Variants in SETD2 observed in about 807,000 individuals in gnomAD.
SETD2 encodes the protein SET domain containing 2, histone lysine methyltransferase, also known as histone-lysine N-methyltransferase SETD2.
In SETD2, 31 loss-of-function variants were observed where a neutral mutation model predicts 242.1. The ratio of observed to expected loss-of-function variants is 0.13; its 90% CI spans 0.10 to 0.17. The LOEUF is 0.17. Among genes scored for constraint, SETD2 ranks in the 10% least tolerant of loss-of-function variants. SETD2 has a pLI of 1.00. For missense variants in SETD2, 2,481 were observed against 3,046.3 expected, an observed-to-expected ratio of 0.81 and a Z score of 4.37; for synonymous variants, 1,006 against 1,066.5, an observed-to-expected ratio of 0.94 and a Z score of 1.11.
At chr3:47,065,239 T>A (rs1338308715) in intron 13 of SETD2, among the ~76,000 whole-genome samples, 1 of 152,050 alleles carries the variant, frequency 6.6e-6, no homozygotes, top group Non-Finnish European at 1.5e-5. Flanking sequence ...TGTGAGGCTA[T>A]GAAGAGACTA....
At chr3:47,029,019 A>C (rs1262740616) in intron 18 of SETD2, 1 of 220,882 alleles carries the variant, frequency 4.5e-6, no homozygotes, top group African/African-American at 2.4e-5. Flanking sequence ...CAATGTCACC[A>C]ACAAATGGTC....
At chr3:47,106,436 C>T (rs1467641466) in intron 5 of SETD2, among the ~76,000 whole-genome samples, 1 of 125,878 alleles carries the variant, frequency 7.9e-6, no homozygotes, top group African/African-American at 3.1e-5. Context: ...TTATTAACAG[C>T]TGGAAAACAG....
chr3:47,141,358 A>T (rs2043724388), intron 1 of SETD2, among the ~76,000 whole-genome samples: 1 of 152,254 alleles, frequency 6.6e-6, no homozygotes, highest in East Asian at 1.9e-4. Context: ...CTAAGTACTT[A>T]TGTCAGCCTT....
At position 47,101,500 on chromosome 3, in the gene SETD2, G is replaced by C. The variant is rs1376592606; in HGVS notation, c.4973C>G (p.Ser1658Ter). Reference protein sequence around the residue: ...VGFFTTKLVPSGSELTFDYQF... With the variant: ...VGFFTTKLVP ...ATAGTCAAACGTTAACTCTGAGCCTGAAGGAACCAGTTTGGTGGTAAAAAA... is the reference window on the plus strand; with the variant it reads ...ATAGTCAAACGTTAACTCTGAGCCTCAAGGAACCAGTTTGGTGGTAAAAAA... The change falls in exon 8 of 21, where the codon TCA becomes TGA. Residue 1658 changes from serine (S) to a stop codon, truncating the protein, a stop_gained. Coordinates refer to ENST00000409792, the MANE Select transcript of SETD2 (RefSeq NM_014159.7). LOFTEE classifies it high-confidence loss of function. 1 of 1,613,748 alleles carries C rather than the reference G, an allele frequency of 6.2e-7. No individual in the cohort carries two copies.
Position 47,037,774 on chromosome 3 carries a change from C to G in SETD2, c.7242G>C (p.Gln2414His). Residue 2414 changes from glutamine (Q) to histidine (H), a missense_variant, in exon 18 of 21, where the codon CAG (glutamine) becomes CAC (histidine). By Grantham distance (24) the Gln-to-His change is conservative. Coordinates refer to ENST00000409792, the MANE Select transcript of SETD2 (RefSeq NM_014159.7). ...KIYYYHVITR[Q>H]TQWDPPTWES... ...CCCAAGTAGGAGGATCCCACTGAGT[C>G]TGCCTAGAAAGAGACAAAAACAGCC... 1.2e-6 allele frequency: 2 copies of G among 1,612,896 alleles called. No individual in the cohort carries two copies. The highest frequency in any genetic ancestry group is 8.5e-7 in the Non-Finnish European group (1 of 1,179,068).
At chr3:47,046,826 CTTTGA>C (rs2039553341) in intron 15 of SETD2, 4 of 347,984 alleles carry the variant, frequency 1.1e-5, no homozygotes, top group Non-Finnish European at 2.0e-5. Context: ...CATTTACTTA[CTTTGA>C]TTTTACTTTA....
At chr3:47,115,576 T>C (rs546189535) in intron 4 of SETD2, among the ~76,000 whole-genome samples, 1 of 152,268 alleles carries the variant, frequency 6.6e-6, no homozygotes, top group Non-Finnish European at 1.5e-5. Flanking sequence ...AAAAAAAACC[T>C]TCACTAACAT....
At chr3:47,057,723 A>C (rs1213163537) in intron 14 of SETD2, among the ~76,000 whole-genome samples, 1 of 152,188 alleles carries the variant, frequency 6.6e-6, no homozygotes, top group African/African-American at 2.4e-5. Context: ...CTCTACCCTT[A>C]GTTTCTAGAA....
chr3:47,017,532 C>G lies in SETD2; in HGVS notation c.7533+106G>C, dbSNP rs1482322186. 1.1e-6 allele frequency: 1 copy of G among 897,116 alleles called. No individual in the cohort carries two copies. Among genetic ancestry groups the G allele is most frequent in the Admixed American group, 2.3e-5 (1 of 43,552 alleles). 55.6% of individuals were successfully genotyped at this position (897,116 alleles called of 1,614,324 possible). ...GTTCCTGGGTCCCCAGCTCTGACAT[C>G]TGACAAGAAAAAAAAAAATACTTTC... On this transcript the variant is annotated intron_variant, in intron 20 of 20. Transcript: ENST00000409792. This position sits in a 1 kb window ranked among gnomAD's most constrained non-coding sequence, Gnocchi z 4.8.
intron 5 of SETD2, among the ~76,000 whole-genome samples, chr3:47,110,293 C>T (rs2042600249): frequency 6.6e-6 from 1 of 152,166 alleles, no homozygotes; most frequent in African/African-American, 2.4e-5. Context: ...TTCTGCTTAA[C>T]AGGCAGAGTT....
chr3:47,148,510 A>C (rs1326716413), intron 1 of SETD2, among the ~76,000 whole-genome samples: 1 of 152,148 alleles, frequency 6.6e-6, no homozygotes, highest in Non-Finnish European at 1.5e-5. Flanking sequence ...AAAACAGGGA[A>C]ATTTCAAAGT....
chr3:47,018,347 C>T (rs2038070596), intron 19 of SETD2, among the ~76,000 whole-genome samples: 1 of 152,164 alleles, frequency 6.6e-6, no homozygotes, highest in African/African-American at 2.4e-5. Flanking sequence ...CTCCCAAACA[C>T]TCTAGGAATA....
intron 12 of SETD2, among the ~76,000 whole-genome samples, chr3:47,083,513 G>T (rs1430072818): frequency 6.6e-6 from 1 of 152,162 alleles, no homozygotes; most frequent in Non-Finnish European, 1.5e-5. Context: ...TGACAGAAAA[G>T]AAGACATTTG....
intron 9 of SETD2, among the ~76,000 whole-genome samples, chr3:47,094,829 T>G (rs913996657): frequency 4.6e-5 from 7 of 152,212 alleles, no homozygotes; most frequent in African/African-American, 1.4e-4. Context: ...CCGATGACTG[T>G]AGCCTATGGA....
intron 5 of SETD2, among the ~76,000 whole-genome samples, chr3:47,109,421 G>C (rs1023414334): frequency 6.6e-6 from 1 of 152,134 alleles, no homozygotes; most frequent in South Asian, 2.1e-4. Flanking sequence ...CAAGGTGAGA[G>C]GATCACTGGA....
chr3:47,111,079 TAAAA>T (rs10672755), intron 5 of SETD2, among the ~76,000 whole-genome samples: 6 of 78,812 alleles, frequency 7.6e-5, no homozygotes, highest in Admixed American at 1.8e-4. Flanking sequence ...GTGGTTCCTT[TAAAA>T]AAAAAAAAAA....
chr3:47,163,786 G>C, intron 1 of SETD2, 68 bp downstream of exon 1: 1 of 1,205,894 alleles, frequency 8.3e-7, no homozygotes, highest in Non-Finnish European at 1.0e-6. Context: ...CCACCCGTCA[G>C]GACGCGCCGC....
intron 8 of SETD2, among the ~76,000 whole-genome samples, chr3:47,101,009 CAAAAAAAAAAAAA>C (rs1164475680): frequency 3.9e-4 from 9 of 23,118 alleles, no homozygotes; most frequent in Admixed American, 2.0e-3. Flanking sequence ...GAGTCCATCT[CAAAAAAAAAAAAA>C]AAAAAAAAAA....
At chr3:47,029,592 A>G (rs775634780) in intron 18 of SETD2, among the ~76,000 whole-genome samples, 1 of 152,120 alleles carries the variant, frequency 6.6e-6, no homozygotes, top group Non-Finnish European at 1.5e-5. Context: ...TCACTGTCCT[A>G]TTGTGTTTCT....
Sources: allele counts gnomAD v4.1 joint callset (sites outside exome capture counted in the v4.1 genomes callset), GRCh38; gene constraint gnomAD v4.1.1; non-coding constraint Gnocchi (gnomAD v3.1); transcripts MANE v1.5; gene names NCBI Gene and HGNC (gene_info 2026-07-23, HGNC 2026-07-21).